Variants in SHC3 observed in about 807,000 individuals in gnomAD.
The protein encoded by SHC3 is SHC adaptor protein 3, also known as SHC-transforming protein 3.
SHC3 carries 15 observed loss-of-function variants against 60.4 expected under a neutral mutation model. The observed-to-expected ratio is 0.25, with a 90% CI of 0.17 to 0.38. SHC3 has a LOEUF of 0.38. Ranked by LOEUF, SHC3 falls within the 10% of genes least tolerant of loss-of-function variation. The pLI is 1.00. For missense variants in SHC3, 677 were observed against 786.1 expected, an observed-to-expected ratio of 0.86 and a Z score of 1.66; for synonymous variants, 294 against 325.9, an observed-to-expected ratio of 0.90 and a Z score of 1.05.
At chr9:89,072,694 G>C (rs1470911431) in intron 4 of SHC3, among the ~76,000 whole-genome samples, 1 of 152,136 alleles carries the variant, frequency 6.6e-6, no homozygotes, top group African/African-American at 2.4e-5. Context: ...ACAATGTAAT[G>C]ACATTGAAGT....
intron 1 of SHC3, among the ~76,000 whole-genome samples, chr9:89,116,033 T>C (rs1268391141): frequency 6.6e-6 from 1 of 152,126 alleles, no homozygotes. Context: ...TATGTGACTA[T>C]CAGCAGCAGA....
chr9:89,168,986 G>T (rs528296365), intron 1 of SHC3, among the ~76,000 whole-genome samples: 22 of 152,270 alleles, frequency 1.4e-4, no homozygotes, highest in African/African-American at 5.3e-4. Flanking sequence ...GACAGCATCA[G>T]AACTGGAACT....
In SHC3 at chr9:89,010,127, C is replaced by A. The variant is rs2118623738; in HGVS notation, c.*3320G>T. The stretch of plus-strand genomic sequence containing the variant: ...GCCCTAAAGAAGGCCATATATGGCC[C>A]AATCAGGCCTTTGTCCATTATCCCA... On this transcript the variant is annotated 3_prime_UTR_variant, in exon 12 of 12. Transcript: ENST00000375835. 6.6e-6 allele frequency: 1 copy of A among 152,370 alleles called. No homozygotes were observed. Among genetic ancestry groups the A allele is most frequent in the Admixed American group, 6.5e-5 (1 of 15,316 alleles). The allele number at this position is 152,370 out of a possible 1,614,324, so 9.4% of individuals were successfully genotyped here.
chr9:89,014,041 T>A (rs1826054428), intron 11 of SHC3, among the ~76,000 whole-genome samples: 1 of 152,126 alleles, frequency 6.6e-6, no homozygotes, highest in South Asian at 2.1e-4. Flanking sequence ...CCTACCTCAA[T>A]GCCAGCACCT....
intron 1 of SHC3, among the ~76,000 whole-genome samples, chr9:89,158,754 A>G (rs542220736): frequency 6.6e-6 from 1 of 152,252 alleles, no homozygotes; most frequent in Non-Finnish European, 1.5e-5. Context: ...TCACTCAACA[A>G]TTCCTTGTAA....
chr9:89,174,921 C>T (rs536064350), intron 1 of SHC3, among the ~76,000 whole-genome samples: 1 of 152,340 alleles, frequency 6.6e-6, no homozygotes, highest in Admixed American at 6.5e-5. Context: ...AGGTGGAGGA[C>T]CAGGATATTG....
intron 7 of SHC3, among the ~76,000 whole-genome samples, chr9:89,051,636 C>A (rs1307101557): frequency 6.6e-6 from 1 of 152,174 alleles, no homozygotes; most frequent in Admixed American, 6.5e-5. Context: ...ACGGAGGGGA[C>A]CTCTTGTAGC....
At chr9:89,137,164 G>A (rs575875757) in intron 1 of SHC3, among the ~76,000 whole-genome samples, 31 of 152,160 alleles carry the variant, frequency 2.0e-4, no homozygotes, top group African/African-American at 6.7e-4. Context: ...CCCCAAAATC[G>A]GGATTACAAT....
intron 1 of SHC3, among the ~76,000 whole-genome samples, chr9:89,133,320 A>G (rs543673092): frequency 6.6e-6 from 1 of 152,354 alleles, no homozygotes; most frequent in South Asian, 2.1e-4. Flanking sequence ...GTGGGACTTT[A>G]AACTAGTTCA....
At chr9:89,027,676 AC>A (rs1410566524) in intron 11 of SHC3, among the ~76,000 whole-genome samples, 1 of 152,196 alleles carries the variant, frequency 6.6e-6, no homozygotes, top group African/African-American at 2.4e-5. Context: ...GCCCTATCCC[AC>A]CTTCTCCGAA....
intron 1 of SHC3, among the ~76,000 whole-genome samples, chr9:89,172,471 G>T (rs1205155989): frequency 2.0e-5 from 3 of 151,866 alleles, no homozygotes; most frequent in Non-Finnish European, 4.4e-5. Context: ...AAACCAACTT[G>T]TAAGGCATAT....
intron 2 of SHC3, among the ~76,000 whole-genome samples, chr9:89,089,411 G>C (rs900769135): frequency 6.6e-6 from 1 of 152,142 alleles, no homozygotes; most frequent in Non-Finnish European, 1.5e-5. Context: ...TGGAGCCTGG[G>C]GGGTGGAGCA....
At chr9:89,059,579 A>AC (rs1825032936) in intron 6 of SHC3, among the ~76,000 whole-genome samples, 1 of 121,110 alleles carries the variant, frequency 8.3e-6, no homozygotes, top group Non-Finnish European at 1.7e-5. Flanking sequence ...GTGGTGGAGG[A>AC]TGTGGTGGAG....
chr9:89,047,782 C>A (rs1824797780), intron 7 of SHC3, among the ~76,000 whole-genome samples: 1 of 152,198 alleles, frequency 6.6e-6, no homozygotes, highest in South Asian at 2.1e-4. Context: ...AACCCTCACA[C>A]ATTGCTCATG....
At chr9:89,019,692 C>A (rs1826166198) in intron 11 of SHC3, among the ~76,000 whole-genome samples, 1 of 151,442 alleles carries the variant, frequency 6.6e-6, no homozygotes, top group Non-Finnish European at 1.5e-5. Context: ...ATAAATCTAA[C>A]AAAATACCTA....
chr9:89,085,637 G>A (rs1279818085), intron 2 of SHC3, among the ~76,000 whole-genome samples: 1 of 152,302 alleles, frequency 6.6e-6, no homozygotes, highest in South Asian at 2.1e-4. Flanking sequence ...CTCCATAATT[G>A]TTCCACTCCG....
chr9:89,056,682 G>A (rs1417333259), intron 6 of SHC3, among the ~76,000 whole-genome samples: 1 of 152,252 alleles, frequency 6.6e-6, no homozygotes, highest in Admixed American at 6.5e-5. Context: ...TGGGCTGGCA[G>A]CAGAGAGCCC....
chr9:89,013,343 G>A lies in SHC3; in HGVS notation c.*104C>T, dbSNP rs1384924848. ...CCTTCCTTTTGAAGCTTTTGAAGAAGGCTCTGAGCCACAGGCAGCTGTCCC... is the reference window on the plus strand; with the variant it reads ...CCTTCCTTTTGAAGCTTTTGAAGAAAGCTCTGAGCCACAGGCAGCTGTCCC... On this transcript the variant is annotated 3_prime_UTR_variant, in exon 12 of 12. Coordinates refer to ENST00000375835, the MANE Select transcript of SHC3 (RefSeq NM_016848.6). 1 of 1,326,832 alleles carries A rather than the reference G, an allele frequency of 7.5e-7. No individual in the cohort carries two copies. Among genetic ancestry groups the A allele is most frequent in the Non-Finnish European group, 9.8e-7 (1 of 1,019,544 alleles). 82.2% of individuals were successfully genotyped at this position (1,326,832 alleles called of 1,614,324 possible).
chr9:89,097,184 C>T (rs1825717431), intron 2 of SHC3, among the ~76,000 whole-genome samples: 1 of 150,852 alleles, frequency 6.6e-6, no homozygotes, highest in Admixed American at 6.6e-5. Context: ...ATCCAACATC[C>T]AACAAAGTAC....
Sources: gnomAD v4.1 joint callset for allele counts (sites outside exome capture counted in the v4.1 genomes callset) on GRCh38, gnomAD v4.1.1 for gene constraint, MANE v1.5 for transcripts, NCBI Gene and HGNC (gene_info 2026-07-23, HGNC 2026-07-21) for gene names.